ZNF350: variants seen among roughly 807,000 people sequenced by gnomAD.
ZNF350 encodes zinc finger protein 350.
A neutral mutation model predicts 13.1 loss-of-function variants in ZNF350; 5 were observed. The ratio of observed to expected loss-of-function variants is 0.38; its 90% CI spans 0.20 to 0.80. The LOEUF is 0.80. Ranked by LOEUF, ZNF350 falls within the 30% of genes least tolerant of loss-of-function variation. The probability of loss-of-function intolerance (pLI) is 0.43; values close to 1 mark genes in which losing one functional copy is unlikely to be tolerated. For synonymous variants in ZNF350, 199 were observed against 224.2 expected (o/e 0.89, Z 1.00); for missense variants, 534 against 644.2 (o/e 0.83, Z 1.85).
chr19:51,980,788 C>T (rs2086014471), intron 1 of ZNF350: 1 of 152,202 alleles, frequency 6.6e-6, no homozygotes. Flanking sequence ...TCAAGAATTT[C>T]AGCCTTCTTT....
intron 1 of ZNF350, among the ~76,000 whole-genome samples, chr19:51,979,771 G>A (rs2085988842): frequency 6.6e-6 from 1 of 152,196 alleles, no homozygotes; most frequent in South Asian, 2.1e-4. Flanking sequence ...AGGTCAATTA[G>A]ATGGAAAAGG....
rs2085534545 is a variant in ZNF350 at position 51,965,265 on chromosome 19, A to G, written c.1188T>C (p.His396=). The part of the protein sequence containing the change: ...KQKLIVHQRT[H]TGERPYGCNE... ...TACAGCCATAGGGTCTCTCTCCTGT[A>G]TGAGTCCTTTGATGGACAATGAGCT... The change falls in exon 5 of 5, where the codon CAT becomes CAC. Residue 396 remains histidine (H), a synonymous_variant. Transcript: ENST00000243644. 6.2e-7 allele frequency: 1 copy of G among 1,614,092 alleles called. No homozygotes were observed. The highest frequency in any genetic ancestry group is 8.5e-7 in the Non-Finnish European group (1 of 1,179,926).
In ZNF350 at chr19:51,964,916, CT is replaced by C; in HGVS notation, c.1536del (p.Val513Ter). ...GFAQDRNLVN[A>X]VNVVVPSVIN... Reference sequence around the variant, plus strand: ...ATCACGGAAGGCACAACCACATTCACTGCATTCACAAGGTTTCTGTCCTGTG... The same window carrying C: ...ATCACGGAAGGCACAACCACATTCACGCATTCACAAGGTTTCTGTCCTGTG... On this transcript the variant is annotated frameshift_variant, in exon 5 of 5. Transcript: ENST00000243644. LOFTEE classifies it low-confidence loss of function (END_TRUNC). 1 of 1,614,198 alleles carries C rather than the reference CT, an allele frequency of 6.2e-7. No homozygotes were observed.
chr19:51,977,230 C>A (rs920122756), intron 1 of ZNF350, among the ~76,000 whole-genome samples: 1 of 152,236 alleles, frequency 6.6e-6, no homozygotes, highest in Non-Finnish European at 1.5e-5. Context: ...ACACACCCCA[C>A]TAGAGTTTAA....
chr19:51,978,058 A>C (rs1273880894), intron 1 of ZNF350, among the ~76,000 whole-genome samples: 8 of 152,194 alleles, frequency 5.3e-5, no homozygotes, highest in African/African-American at 9.6e-5. Context: ...CGCCATAACA[A>C]AGGAAATCAC....
At chr19:51,980,849 CCTAT>C (rs1337859160) in intron 1 of ZNF350, 1 of 152,162 alleles carries the variant, frequency 6.6e-6, no homozygotes, top group African/African-American at 2.4e-5. Flanking sequence ...AACCCTTGGA[CCTAT>C]CTAAGGCACC....
Position 51,965,040 on chromosome 19 carries a change from T to A in ZNF350, c.1413A>T (p.Thr471=), listed in dbSNP as rs2085524939. Residue 471 remains threonine (T), a synonymous_variant, in exon 5 of 5, where the codon ACA becomes ACT. Transcript: ENST00000243644. ...TTQVPSVAPQ[T]SLNISGLLAN... ...CGAGGAGGCCGCTGATGTTTAATGA[T>A]GTCTGAGGGGCCACAGAAGGCACTT... The A allele has an allele frequency of 1.2e-6, 2 of 1,614,068 alleles. No homozygotes were observed. Among genetic ancestry groups the A allele is most frequent in the African/African-American group, 2.7e-5 (2 of 74,930 alleles).
At position 51,974,046 on chromosome 19, in the gene ZNF350, A is replaced by G. The variant is rs76326414; in HGVS notation, c.15+300T>C. The G allele has an allele frequency of 7.3e-4, 190 of 260,592 alleles. 1 individual carries two copies. The highest frequency in any genetic ancestry group is 3.9e-3 in the African/African-American group (176 of 45,152). 16.1% of individuals were successfully genotyped at this position (260,592 alleles called of 1,614,324 possible). A position where few individuals can be genotyped will look rare whatever the true frequency, so the allele number is the denominator to read the frequency against. On this transcript the variant is annotated intron_variant, in intron 2 of 4. Coordinates refer to ENST00000243644, the MANE Select transcript of ZNF350 (RefSeq NM_021632.4). ...AACAGGACATACCATGTAAATTATGATTTTCTTGTGACATTGGCTGTCAGA... is the reference window on the plus strand; with the variant it reads ...AACAGGACATACCATGTAAATTATGGTTTTCTTGTGACATTGGCTGTCAGA...
At chr19:51,971,856 C>A (rs573413462) in intron 2 of ZNF350, among the ~76,000 whole-genome samples, 2 of 152,086 alleles carry the variant, frequency 1.3e-5, no homozygotes, top group East Asian at 3.9e-4. Flanking sequence ...GGCGCCCAAA[C>A]AGGGACAGAA....
chr19:51,971,481 T>C (rs1207063530), intron 2 of ZNF350, among the ~76,000 whole-genome samples: 1 of 152,212 alleles, frequency 6.6e-6, no homozygotes, highest in East Asian at 1.9e-4. Flanking sequence ...GGAGGCTATA[T>C]GATCAAACAG....
At chr19:51,978,065 T>C (rs1445424755) in intron 1 of ZNF350, among the ~76,000 whole-genome samples, 1 of 152,010 alleles carries the variant, frequency 6.6e-6, no homozygotes, top group East Asian at 1.9e-4. Context: ...ACAAAGGAAA[T>C]CACTGGGCTA....
chr19:51,977,784 T>G (rs2085935782), intron 1 of ZNF350, among the ~76,000 whole-genome samples: 1 of 152,174 alleles, frequency 6.6e-6, no homozygotes, highest in African/African-American at 2.4e-5. Context: ...ACCAGTGAGG[T>G]GTACAAAAAA....
At chr19:51,977,315 CTG>C (rs59314551) in intron 1 of ZNF350, among the ~76,000 whole-genome samples, 114 of 152,304 alleles carry the variant, frequency 7.5e-4, no homozygotes, top group African/African-American at 2.6e-3. Flanking sequence ...TTGCTAGAAT[CTG>C]TGTTTGGTGC....
chr19:51,966,281 G>GT (rs72177430), intron 4 of ZNF350, 67 bp from the exon 5 acceptor site: 118,747 of 1,406,302 alleles, frequency 0.084, 5,732 homozygotes, highest in South Asian at 0.22. Context: ...TGGTTTTTTT[G>GT]TTTTTTTTGT....
At chr19:51,966,942 C>T (rs187040609) in intron 4 of ZNF350, among the ~76,000 whole-genome samples, 6 of 152,208 alleles carry the variant, frequency 3.9e-5, no homozygotes, top group Non-Finnish European at 5.9e-5. Flanking sequence ...CCGCTGCACC[C>T]GGCCCCAAAG....
In ZNF350 at chr19:51,965,206, C is replaced by T. The variant is rs2085530354; in HGVS notation, c.1247G>A (p.Cys416Tyr). The change falls in exon 5 of 5, where the codon TGT becomes TAT. Residue 416 changes from cysteine (C) to tyrosine (Y), a missense_variant. Cys to Tyr is a radical substitution (Grantham distance 194). Coordinates refer to ENST00000243644, the MANE Select transcript of ZNF350 (RefSeq NM_021632.4). ...ECGKAFAYMS[C>Y]LVKHKRIHTR... ...GTGTATTCTCTTATGCTTAACCAGA[C>T]ACGACATATACGCAAACGCTTTCCC... The T allele has an allele frequency of 1.2e-6, 2 of 1,614,088 alleles. No homozygotes were observed. The highest frequency in any genetic ancestry group is 1.7e-6 in the Non-Finnish European group (2 of 1,180,060).
intron 1 of ZNF350, 38 bp from the exon 2 acceptor site, chr19:51,974,569 T>C (rs1267309685): frequency 3.5e-6 from 2 of 571,474 alleles, no homozygotes; most frequent in Non-Finnish European, 6.3e-6. Context: ...AAGTGGTACA[T>C]TTTTTCCAGG....
chr19:51,979,372 G>T (rs59534321), intron 1 of ZNF350, among the ~76,000 whole-genome samples: 2 of 151,974 alleles, frequency 1.3e-5, no homozygotes, highest in Non-Finnish European at 2.9e-5. Context: ...GATTTATCAC[G>T]ATCAGGGAGA....
Position 51,971,940 on chromosome 19 carries a change from C to T in ZNF350, c.15+2406G>A, listed in dbSNP as rs565363705. On this transcript the variant is annotated intron_variant, in intron 2 of 4. Coordinates refer to ENST00000243644, the MANE Select transcript of ZNF350 (RefSeq NM_021632.4). ...ACCTCTATTCAGAATATGGCAAAGG[C>T]GTTGGAATCTCACCTCCTTAATTAA... is the stretch of plus-strand genomic sequence containing the variant. 6.6e-5 allele frequency among the ~76,000 whole-genome samples: 10 copies of T among 152,072 alleles called. No individual in the cohort carries two copies. In the South Asian group the frequency reaches 1.7e-3, roughly 25 times the overall value.
Sources: gnomAD v4.1 joint callset for allele counts (sites outside exome capture counted in the v4.1 genomes callset) on GRCh38, gnomAD v4.1.1 for gene constraint, MANE v1.5 for transcripts, NCBI Gene and HGNC (gene_info 2026-07-23, HGNC 2026-07-21) for gene names.